VASH1: variants seen among roughly 807,000 people sequenced by gnomAD.
VASH1 encodes vasohibin 1, also known as tubulinyl-Tyr carboxypeptidase 1.
VASH1 carries 16 observed loss-of-function variants against 35.0 expected under a neutral mutation model. The ratio of observed to expected loss-of-function variants is 0.46; its 90% CI spans 0.31 to 0.70. VASH1 has a LOEUF of 0.70. VASH1 is among the 30% of genes least tolerant of loss of function. The pLI is 0.05. For missense variants in VASH1, 505 were observed against 510.7 expected, an observed-to-expected ratio of 0.99 and a Z score of 0.11; for synonymous variants, 214 against 200.9, an observed-to-expected ratio of 1.07 and a Z score of -0.55.
chr14:76,775,121 C>A (rs1025751470), intron 4 of VASH1, among the ~76,000 whole-genome samples: 1 of 152,164 alleles, frequency 6.6e-6, no homozygotes, highest in Non-Finnish European at 1.5e-5. Context: ...CAGACAAGGG[C>A]CCTGTGCTTG....
At chr14:76,765,327 T>G (rs1893614230) in intron 1 of VASH1, among the ~76,000 whole-genome samples, 1 of 152,194 alleles carries the variant, frequency 6.6e-6, no homozygotes, top group African/African-American at 2.4e-5. Flanking sequence ...ACCCCTAGAC[T>G]TCCATCGCTA....
rs1893748035 is a variant in VASH1, at chr14:76,770,008, C to T, written c.355C>T (p.Pro119Ser). Residue 119 changes from proline (P) to serine (S), a missense_variant, in exon 2 of 7, where the codon CCT becomes TCT. Physicochemically the swap from Pro to Ser is moderately conservative, Grantham distance 74 (BLOSUM62 -1). Coordinates refer to ENST00000167106, the MANE Select transcript of VASH1 (RefSeq NM_014909.5). ...TACGTTCCAGCCGTCTACACCTGTC[C>T]CTGAGCGCCTGGAAGCTGTGCAGCG... ...VPTFQPSTPV[P>S]ERLEAVQRYI... is the part of the protein sequence containing the mutation. The T allele has an allele frequency of 1.2e-6, 2 of 1,614,154 alleles. No homozygotes were observed. The highest frequency in any genetic ancestry group is 4.5e-5 in the East Asian group (2 of 44,880).
At chr14:76,771,312 G>A (rs1167142397) in intron 3 of VASH1, 66 bp downstream of exon 3, 4 of 1,419,054 alleles carry the variant, frequency 2.8e-6, no homozygotes, top group Admixed American at 2.5e-5. Flanking sequence ...GCCCTATAGT[G>A]CACCTTGGAG....
rs1357979227 is a variant in VASH1, at chr14:76,763,028, G to A, written c.207G>A (p.Val69=). ...TTGTCAACCGGGGTGGGCTACCTGTGGATGAGGCCACCTGGGAAAGGATGT... is the reference window on the plus strand; with the variant it reads ...TTGTCAACCGGGGTGGGCTACCTGTAGATGAGGCCACCTGGGAAAGGATGT... The part of the protein sequence containing the change: ...PFFVNRGGLP[V]DEATWERMWK... Residue 69 remains valine, a synonymous_variant, in exon 1 of 7, where the codon GTG becomes GTA. Coordinates refer to ENST00000167106, the MANE Select transcript of VASH1 (RefSeq NM_014909.5). The A allele has an allele frequency of 6.5e-7, 1 of 1,549,062 alleles. No individual in the cohort carries two copies.
Position 76,775,922 on chromosome 14 carries a change from G to T in VASH1, c.561G>T (p.Glu187Asp). ...IYLTNSMPTL[E>D]RFPISFKTYF... is the part of the protein sequence containing the mutation. Reference sequence around the variant, plus strand: ...TCACCAACAGCATGCCCACCCTGGAGCGCTTCCCCATCAGCTTCAAGACCT... The same window carrying T: ...TCACCAACAGCATGCCCACCCTGGATCGCTTCCCCATCAGCTTCAAGACCT... The change falls in exon 5 of 7, where the codon GAG becomes GAT. Residue 187 changes from glutamate to aspartate, a missense_variant. Physicochemically the swap from Glu to Asp is conservative, Grantham distance 45 (BLOSUM62 2). Transcript: ENST00000167106. 1 of 1,599,210 alleles carries T rather than the reference G, an allele frequency of 6.3e-7. No individual in the cohort carries two copies.
chr14:76,770,394 C>T (rs1017661631), intron 2 of VASH1, among the ~76,000 whole-genome samples: 57 of 152,214 alleles, frequency 3.7e-4, no homozygotes, highest in African/African-American at 1.3e-3. Flanking sequence ...CCACCCAGCC[C>T]TAGCAGAGGG....
At position 76,771,231 on chromosome 14, in the gene VASH1, G is replaced by A; in HGVS notation, c.440G>A (p.Ser147Asn). 1.2e-6 allele frequency: 2 copies of A among 1,604,092 alleles called. No homozygotes were observed. The highest frequency in any genetic ancestry group is 1.7e-6 in the Non-Finnish European group (2 of 1,175,242). ...ACACAGTTCTTTGAAATTAAGAAGAGCAGACCTCTGACAGGGTAAGTATGG... is the reference window on the plus strand; with the variant it reads ...ACACAGTTCTTTGAAATTAAGAAGAACAGACCTCTGACAGGGTAAGTATGG... ...TGTQFFEIKK[S>N]RPLTGLMDLA... is the part of the protein sequence containing the mutation. Residue 147 changes from serine (S) to asparagine (N), a missense_variant, in exon 3 of 7, where the codon AGC (serine) becomes AAC (asparagine). Transcript: ENST00000167106.
chr14:76,774,344 G>A (rs1195693826), intron 4 of VASH1: 1 of 152,248 alleles, frequency 6.6e-6, no homozygotes, highest in African/African-American at 2.4e-5. Flanking sequence ...GTTCTTTGCT[G>A]GGATAAGCCT....
At chr14:76,772,619 A>G (rs1893822390) in intron 3 of VASH1, among the ~76,000 whole-genome samples, 1 of 152,264 alleles carries the variant, frequency 6.6e-6, no homozygotes, top group Non-Finnish European at 1.5e-5. Flanking sequence ...TGTAGTCAGC[A>G]GGTAACTATC....
In VASH1 at chr14:76,762,994, T is replaced by C; in HGVS notation, c.173T>C (p.Val58Ala). The C allele has an allele frequency of 6.5e-7, 1 of 1,549,166 alleles. No homozygotes were observed. The highest frequency in any genetic ancestry group is 8.7e-7 in the Non-Finnish European group (1 of 1,146,152). The change falls in exon 1 of 7, where the codon GTC becomes GCC. Residue 58 changes from valine (V) to alanine (A), a missense_variant. Physicochemically the swap from Val to Ala is moderately conservative, Grantham distance 64 (BLOSUM62 0). Coordinates refer to ENST00000167106, the MANE Select transcript of VASH1 (RefSeq NM_014909.5). The stretch of plus-strand genomic sequence containing the variant: ...GAAGAGGACCTGCGAGACGGAGGCG[T>C]CCCCTTCTTTGTCAACCGGGGTGGG... The part of the protein sequence containing the change: ...EGEEDLRDGG[V>A]PFFVNRGGLP...
At chr14:76,767,513 T>A (rs1893676109) in intron 1 of VASH1, among the ~76,000 whole-genome samples, 1 of 152,158 alleles carries the variant, frequency 6.6e-6, no homozygotes, top group African/African-American at 2.4e-5. Context: ...ATCCTTGGCC[T>A]TGGCTGTGGA....
At chr14:76,769,551 C>G (rs1199197339) in intron 1 of VASH1, 1 of 1,186,116 alleles carries the variant, frequency 8.4e-7, no homozygotes, top group Non-Finnish European at 1.1e-6. Flanking sequence ...AGATGGGACC[C>G]CGGATATACC....
Position 76,768,379 on chromosome 14 carries a change from C to T in VASH1, c.310-1584C>T, listed in dbSNP as rs369466264. Among the ~76,000 whole-genome samples, 16 of 152,284 alleles carry T rather than the reference C, an allele frequency of 1.1e-4. No individual in the cohort carries two copies. The South Asian group carries it at 2.5e-3, about 24-fold the overall frequency. On this transcript the variant is annotated intron_variant, in intron 1 of 6. Transcript: ENST00000167106. ...GGCTCCCTCCAGACAGAGACGTCAG[C>T]GGCTCAGGAGCCAGGGCAGCCAGTG...
Position 76,776,153 on chromosome 14 carries a change from A to G in VASH1, c.792A>G (p.Ser264=), listed in dbSNP as rs757150105. ...LKKVKLGQSV[S]HDPHSVEQIE... ...AGGTGAAGCTGGGCCAGAGCGTGTC[A>G]CACGACCCGCACAGCGTGGAGCAGA... The change falls in exon 5 of 7, where the codon TCA becomes TCG. Residue 264 remains serine, a synonymous_variant. Coordinates refer to ENST00000167106, the MANE Select transcript of VASH1 (RefSeq NM_014909.5). 9 of 1,610,518 alleles carry G rather than the reference A, an allele frequency of 5.6e-6. No individual in the cohort carries two copies. In the African/African-American group the frequency reaches 1.2e-4, roughly 21 times the overall value.
chr14:76,778,075 A>G lies in VASH1; in HGVS notation c.1025+4A>G. 6.8e-7 allele frequency: 1 copy of G among 1,477,494 alleles called. No individual in the cohort carries two copies. The highest frequency in any genetic ancestry group is 9.0e-7 in the Non-Finnish European group (1 of 1,115,074). 91.5% of individuals were successfully genotyped at this position (1,477,494 alleles called of 1,614,324 possible). A position where few individuals can be genotyped will look rare whatever the true frequency, so the allele number is the denominator to read the frequency against. ...GGAACAGCCGCAGTGAAAGACGGTG[A>G]GAGAGGGACCACGCCTGGGTGGGTC... On this transcript the variant is annotated splice_donor_region_variant and intron_variant, in intron 6 of 6. Coordinates refer to ENST00000167106, the MANE Select transcript of VASH1 (RefSeq NM_014909.5).
intron 1 of VASH1, among the ~76,000 whole-genome samples, chr14:76,768,980 CG>C (rs1893718818): frequency 1.3e-5 from 2 of 152,214 alleles, no homozygotes; most frequent in African/African-American, 4.8e-5. Context: ...TCTGAAACCT[CG>C]GAGGACCCTA....
intron 4 of VASH1, chr14:76,774,540 G>A (rs1354136325): frequency 6.6e-6 from 1 of 152,292 alleles, no homozygotes; most frequent in Non-Finnish European, 1.5e-5. Context: ...AGCTTTTCAG[G>A]GGTCACCTGG....
intron 1 of VASH1, among the ~76,000 whole-genome samples, chr14:76,766,672 G>A (rs1260450634): frequency 1.3e-5 from 2 of 152,050 alleles, no homozygotes; most frequent in Non-Finnish European, 2.9e-5. Context: ...AAACTCCTGG[G>A]CTCAAGCCAT....
intron 3 of VASH1, among the ~76,000 whole-genome samples, chr14:76,771,853 C>T (rs1335376586): frequency 1.3e-5 from 2 of 152,320 alleles, no homozygotes; most frequent in East Asian, 1.9e-4. Context: ...CATGAAGCCC[C>T]GAGGGCAGAG....
Sources: allele counts gnomAD v4.1 joint callset (sites outside exome capture counted in the v4.1 genomes callset), GRCh38; gene constraint gnomAD v4.1.1; transcripts MANE v1.5; gene names NCBI Gene and HGNC (gene_info 2026-07-23, HGNC 2026-07-21).